The following REPS2 variants were observed in gnomAD, a reference collection of about 807,000 sequenced individuals.
The protein encoded by REPS2 is ralBP1-associated Eps domain-containing protein 2.
Under a neutral mutation model 53.6 loss-of-function variants are expected in REPS2, and 23 were observed. The observed-to-expected ratio is 0.43, with a 90% confidence interval of 0.31 to 0.61. The LOEUF (loss-of-function observed/expected upper bound fraction) is 0.61. REPS2 is among the 20% of genes least tolerant of loss of function. REPS2 has a pLI of 0.11. For missense variants in REPS2, 446 were observed against 534.9 expected (o/e 0.83, Z 1.64); for synonymous variants, 238 against 218.6 (o/e 1.09, Z -0.78).
At chrX:17,100,828 C>T (rs560713294) in intron 13 of REPS2, among the ~76,000 whole-genome samples, 69 of 111,191 alleles carry the variant, frequency 6.2e-4, no homozygotes, top group African/African-American at 2.2e-3. Context: ...CCTGTAATCC[C>T]AACACTTTAG....
chrX:16,979,521 C>G (rs1440234933), intron 1 of REPS2, among the ~76,000 whole-genome samples: 2 of 112,104 alleles, frequency 1.8e-5, no homozygotes, highest in African/African-American at 6.5e-5. Flanking sequence ...TCTAGGCAGT[C>G]AGCCAAGTCT....
At chrX:17,158,930 AAAC>A in the REPS2 span, among the ~76,000 whole-genome samples, 4 of 112,303 alleles carry the variant, frequency 3.6e-5, no homozygotes, top group Non-Finnish European at 7.5e-5. Flanking sequence ...CAGTGAGGGG[AAAC>A]AACAATGTAG....
At chrX:17,159,385 T>G in the REPS2 span, among the ~76,000 whole-genome samples, 4 of 111,708 alleles carry the variant, frequency 3.6e-5, no homozygotes, top group Non-Finnish European at 7.5e-5. Flanking sequence ...TTACTTAAGT[T>G]GGAGGCAATG....
Position 17,150,845 on chromosome X carries a change from A to G in REPS2, c.*3364A>G, listed in dbSNP as rs2063562742. 1 of 112,487 alleles carries G rather than the reference A, an allele frequency of 8.9e-6. No individual in the cohort carries two copies. The highest frequency in any genetic ancestry group is 3.2e-5 in the African/African-American group (1 of 30,866). The allele number at this position is 112,487 out of a possible 1,213,427, so 9.3% of individuals were successfully genotyped here. A position where few individuals can be genotyped will look rare whatever the true frequency, so the allele number is the denominator to read the frequency against. ...TTTTGAGTTAGATTCTCTACCCTCT[A>G]TCAATACTAAAAATAGATTAGGAGG... is the stretch of plus-strand genomic sequence containing the variant. On this transcript the variant is annotated 3_prime_UTR_variant, in exon 18 of 18. Transcript: ENST00000357277.
intron 11 of REPS2, among the ~76,000 whole-genome samples, chrX:17,070,226 G>A (rs1190654811): frequency 3.6e-5 from 4 of 111,699 alleles, no homozygotes; most frequent in African/African-American, 1.3e-4. Context: ...AAAGGATCAC[G>A]AAGGATCACT....
rs188899758 is a variant in REPS2 at position 17,062,426 on chromosome X, G to C, written c.1115-12G>C. 15 of 1,135,940 alleles carry C rather than the reference G, an allele frequency of 1.3e-5. No homozygotes were observed. In the East Asian group the frequency reaches 4.6e-4, roughly 35 times the overall value. 93.6% of individuals were successfully genotyped at this position (1,135,940 alleles called of 1,213,427 possible). On this transcript the variant is annotated splice_polypyrimidine_tract_variant and intron_variant, in intron 8 of 17. Transcript: ENST00000357277. ...GGAAATATTCTGATATATTCTTTTTGTTTCTTCTTAGCTTTTCCTAAGCCC... is the reference window on the plus strand; with the variant it reads ...GGAAATATTCTGATATATTCTTTTTCTTTCTTCTTAGCTTTTCCTAAGCCC...
intron 1 of REPS2, among the ~76,000 whole-genome samples, chrX:16,968,823 G>A (rs1238906474): frequency 2.8e-5 from 3 of 106,659 alleles, no homozygotes; most frequent in African/African-American, 1.0e-4. Context: ...CGGGCGGGGG[G>A]CTGACCCCCC....
the REPS2 span, among the ~76,000 whole-genome samples, chrX:17,176,551 A>T: frequency 1.8e-5 from 2 of 112,373 alleles, no homozygotes; most frequent in African/African-American, 6.5e-5. Context: ...ACAACCACGT[A>T]TGCCCCTGAA....
In REPS2 at chrX:17,093,202, T is replaced by TATATAA. The variant is rs56940345; in HGVS notation, c.1517-10516_1517-10515insATATAA. Among the ~76,000 whole-genome samples, 48 of 13,147 alleles carry TATATAA rather than the reference T, an allele frequency of 3.7e-3. 2 individuals are homozygous for TATATAA. The highest frequency in any genetic ancestry group is 8.9e-3 in the Admixed American group (7 of 786). 11.4% of individuals were successfully genotyped at this position (13,147 alleles called of 115,157 possible). ...TATATATATATATATATATATATAA[T>TATATAA]TTTTTTTTTGGAAAGAGTGGCAACT... On this transcript the variant is annotated intron_variant, in intron 13 of 17. Transcript: ENST00000357277.
intron 7 of REPS2, among the ~76,000 whole-genome samples, chrX:17,054,404 A>G (rs1472139824): frequency 2.7e-5 from 3 of 112,104 alleles, no homozygotes; most frequent in Non-Finnish European, 5.6e-5. Flanking sequence ...GACAACTATA[A>G]AATGGCTGGG....
At chrX:17,042,807 T>C (rs1402890046) in intron 5 of REPS2, among the ~76,000 whole-genome samples, 2 of 111,014 alleles carry the variant, frequency 1.8e-5, no homozygotes, top group Non-Finnish European at 3.8e-5. Flanking sequence ...TTCATATATA[T>C]TTTTTTGAGA....
intron 1 of REPS2, among the ~76,000 whole-genome samples, chrX:16,998,816 C>T (rs773318679): frequency 8.9e-5 from 10 of 112,204 alleles, no homozygotes; most frequent in East Asian, 5.6e-4. Context: ...ACTCCTGCAC[C>T]GGGAAGGCAA....
intron 13 of REPS2, among the ~76,000 whole-genome samples, chrX:17,084,804 T>G (rs1486523082): frequency 8.9e-6 from 1 of 112,452 alleles, no homozygotes; most frequent in African/African-American, 3.2e-5. Context: ...TACAGATATT[T>G]GATTTACAAA....
chrX:17,092,674 G>A (rs760347254), intron 13 of REPS2, among the ~76,000 whole-genome samples: 20 of 107,443 alleles, frequency 1.9e-4, no homozygotes, highest in Non-Finnish European at 3.6e-4. Flanking sequence ...TTCTTCTCTC[G>A]TCTTCTTGCC....
chrX:16,970,950 C>A, intron 1 of REPS2, among the ~76,000 whole-genome samples: 1 of 112,575 alleles, frequency 8.9e-6, no homozygotes. Context: ...CTACTCTGAA[C>A]ACTTGTGTAT....
the REPS2 span, among the ~76,000 whole-genome samples, chrX:17,180,537 G>T: frequency 9.1e-6 from 1 of 110,333 alleles, no homozygotes; most frequent in Non-Finnish European, 1.9e-5. Flanking sequence ...ATCCAGTCTC[G>T]GTTGATGTTC....
chrX:17,031,330 G>C (rs1351992525), intron 5 of REPS2, among the ~76,000 whole-genome samples: 5 of 111,861 alleles, frequency 4.5e-5, no homozygotes, highest in Non-Finnish European at 5.6e-5. Flanking sequence ...GGGCTCACTA[G>C]ACCCTTTCTA....
intron 2 of REPS2, among the ~76,000 whole-genome samples, chrX:17,021,362 C>T (rs1443717512): frequency 8.9e-6 from 1 of 112,495 alleles, no homozygotes; most frequent in Admixed American, 9.4e-5. Flanking sequence ...CTCTTTGTAG[C>T]ATTTTGAGTG....
At chrX:16,993,434 C>G (rs1175176821) in intron 1 of REPS2, among the ~76,000 whole-genome samples, 1 of 111,546 alleles carries the variant, frequency 9.0e-6, no homozygotes, top group South Asian at 3.8e-4. Flanking sequence ...GTAGAAAAGA[C>G]CCTGTGTGGG....
Sources: gnomAD v4.1 joint callset for allele counts (sites outside exome capture counted in the v4.1 genomes callset) on GRCh38, gnomAD v4.1.1 for gene constraint, MANE v1.5 for transcripts, NCBI Gene and HGNC (gene_info 2026-07-23, HGNC 2026-07-21) for gene names.